Variants in FDXR observed in about 807,000 individuals in gnomAD.
FDXR encodes the protein NADPH:adrenodoxin oxidoreductase, mitochondrial.
In FDXR, 38 loss-of-function variants were observed where a neutral mutation model predicts 58.3. The ratio of observed to expected loss-of-function variants is 0.65; its 90% CI spans 0.50 to 0.85. The LOEUF is 0.85. Ranked by LOEUF, FDXR falls within the 40% of genes least tolerant of loss-of-function variation. FDXR has a pLI of 0.00. For synonymous variants in FDXR, 275 were observed against 273.8 expected, an observed-to-expected ratio of 1.00 and a Z score of -0.04; for missense variants, 624 against 671.0, an observed-to-expected ratio of 0.93 and a Z score of 0.77.
In FDXR at chr17:74,863,183, T is replaced by G; in HGVS notation, c.1238A>C (p.Asp413Ala). The G allele has an allele frequency of 6.2e-7, 1 of 1,613,840 alleles. No individual in the cohort carries two copies. Among genetic ancestry groups the G allele is most frequent in the Non-Finnish European group, 8.5e-7 (1 of 1,179,964 alleles). Reference sequence around the variant, plus strand: ...CAGCATCTGGCCGGTGAGGAAGCTGTCAGTCATGGTTGTGGCTATGACACC... The same window carrying G: ...CAGCATCTGGCCGGTGAGGAAGCTGGCAGTCATGGTTGTGGCTATGACACC... The part of the protein sequence containing the change: ...PTGVIATTMT[D>A]SFLTGQMLLQ... The change falls in exon 11 of 12, where the codon GAC becomes GCC. Residue 413 changes from aspartate to alanine, a missense_variant. Transcript: ENST00000293195.
At chr17:74,867,306 CAAAAAAAAAA>C (rs56079045) in intron 2 of FDXR, among the ~76,000 whole-genome samples, 12 of 16,526 alleles carry the variant, frequency 7.3e-4, no homozygotes, top group East Asian at 1.9e-3. Context: ...GACTCTGTCT[CAAAAAAAAAA>C]AAAAAAAAAA....
chr17:74,866,814 A>G lies in FDXR; in HGVS notation c.240T>C (p.Phe80=), dbSNP rs745491079. 3.1e-6 allele frequency: 5 copies of G among 1,614,168 alleles called. No individual in the cohort carries two copies. Among genetic ancestry groups the G allele is most frequent in the Non-Finnish European group, 4.2e-6 (5 of 1,180,028 alleles). Residue 80 remains phenylalanine, a synonymous_variant, in exon 3 of 12, where the codon TTT becomes TTC. Transcript: ENST00000293195. ...CCTCGGGGTGATCAGGCGCCACACC[A>G]AAGCGCACCAGGCCAAAGGGCACAG... is the stretch of plus-strand genomic sequence containing the variant. ...KQPVPFGLVR[F]GVAPDHPEVK...
chr17:74,864,967 C>G (rs1263126518), intron 6 of FDXR, 36 bp from the exon 7 acceptor site: 1 of 1,613,944 alleles, frequency 6.2e-7, no homozygotes, highest in South Asian at 1.1e-5. Context: ...TCATCAGACA[C>G]TGACCGAGGA....
Position 74,866,723 on chromosome 17 carries a change from C to T in FDXR, c.270+61G>A, listed in dbSNP as rs1378512561. The T allele has an allele frequency of 3.1e-6, 5 of 1,599,530 alleles. No homozygotes were observed. In the African/African-American group the frequency reaches 6.7e-5, roughly 21 times the overall value. ...CCTGTCATCCAGCCAGGGAGCCTCC[C>T]TGCCCTCCTCATCTTGACCAAAGTC... On this transcript the variant is annotated intron_variant, in intron 3 of 11. Coordinates refer to ENST00000293195, the MANE Select transcript of FDXR (RefSeq NM_024417.5).
chr17:74,864,323 A>C lies in FDXR; in HGVS notation c.827T>G (p.Leu276Arg). ...GGCCGTTCGAAGCAGCAGTTCCGTCAGCCGCTTCCTCGGGCGGGGGACCTC... is the reference window on the plus strand; with the variant it reads ...GGCCGTTCGAAGCAGCAGTTCCGTCCGCCGCTTCCTCGGGCGGGGGACCTC... ...IKEVPRPRKRLTELLLRTATE... is the reference protein window; with the variant it reads ...IKEVPRPRKRRTELLLRTATE... The change falls in exon 9 of 12, where the codon CTG becomes CGG. Residue 276 changes from leucine (L) to arginine (R), a missense_variant. Coordinates refer to ENST00000293195, the MANE Select transcript of FDXR (RefSeq NM_024417.5). 1 of 1,579,016 alleles carries C rather than the reference A, an allele frequency of 6.3e-7. No homozygotes were observed. The highest frequency in any genetic ancestry group is 8.6e-7 in the Non-Finnish European group (1 of 1,160,044).
In FDXR at chr17:74,866,204, C is replaced by A. The variant is rs760056199; in HGVS notation, c.434G>T (p.Gly145Val). The A allele has an allele frequency of 5.6e-6, 9 of 1,614,060 alleles. No homozygotes were observed. The South Asian group carries it at 9.9e-5, about 18-fold the overall frequency. ...AEDHRALEIP[G>V]EELPGVCSAR... ...GGAGCACACACCTGGCAGCTCCTCACCAGGAATTTCCAGGGCCCGATGGTC... is the reference window on the plus strand; with the variant it reads ...GGAGCACACACCTGGCAGCTCCTCAACAGGAATTTCCAGGGCCCGATGGTC... The change falls in exon 5 of 12, where the codon GGT (glycine) becomes GTT (valine). Residue 145 changes from glycine (G) to valine (V), a missense_variant. Physicochemically the swap from Gly to Val is moderately radical, Grantham distance 109. Transcript: ENST00000293195.
rs2038095683 is a variant in FDXR at position 74,864,465 on chromosome 17, G to A, written c.802+15C>T. On this transcript the variant is annotated intron_variant, in intron 8 of 11. Transcript: ENST00000293195. ...CTCTCCCTAGTAGTTGGGGGGCCAGGCCAGGGCCCCTCACCCTTGATCTTG... is the reference window on the plus strand; with the variant it reads ...CTCTCCCTAGTAGTTGGGGGGCCAGACCAGGGCCCCTCACCCTTGATCTTG... 3 of 1,612,944 alleles carry A rather than the reference G, an allele frequency of 1.9e-6. No homozygotes were observed. Among genetic ancestry groups the A allele is most frequent in the Non-Finnish European group, 2.5e-6 (3 of 1,179,146 alleles).
intron 5 of FDXR, 64 bp downstream of exon 5, chr17:74,866,067 G>T (rs2038168697): frequency 8.7e-6 from 11 of 1,266,302 alleles, no homozygotes; most frequent in Non-Finnish European, 1.3e-5. Flanking sequence ...TCTTCCCCCA[G>T]GTCTGGCATC....
chr17:74,872,525 C>T, intron 1 of FDXR: 1 of 616,816 alleles, frequency 1.6e-6, no homozygotes, highest in East Asian at 2.8e-5. Flanking sequence ...GCTATATTGC[C>T]CATATAGACC....
intron 2 of FDXR, 89 bp from the exon 3 acceptor site, chr17:74,866,965 G>A: frequency 6.4e-7 from 1 of 1,556,316 alleles, no homozygotes; most frequent in Non-Finnish European, 8.7e-7. Context: ...CAGAGCAGGA[G>A]AGTTCAGGAC....
intron 2 of FDXR, chr17:74,868,244 T>C: frequency 3.7e-6 from 2 of 545,588 alleles, no homozygotes; most frequent in East Asian, 6.0e-5. Flanking sequence ...CGCTCTGGGC[T>C]TGGAGTCAAA....
Position 74,864,821 on chromosome 17 carries a change from C to T in FDXR, c.717+3G>A. ...CTGGCTCCTCCCACTCTGGCCCCAG[C>T]ACCTTAATGGTGAAGGCCACTTGCA... On this transcript the variant is annotated splice_donor_region_variant and intron_variant, in intron 7 of 11. Transcript: ENST00000293195. 6.2e-7 allele frequency: 1 copy of T among 1,613,992 alleles called. No individual in the cohort carries two copies. Among genetic ancestry groups the T allele is most frequent in the Non-Finnish European group, 8.5e-7 (1 of 1,179,948 alleles).
chr17:74,865,923 C>A, intron 5 of FDXR, 103 bp from the exon 6 acceptor site: 1 of 998,208 alleles, frequency 1.0e-6, no homozygotes, highest in Non-Finnish European at 1.5e-6. Flanking sequence ...CCTGGGGCTT[C>A]CCCACACCGG....
chr17:74,862,673 G>T lies in FDXR; in HGVS notation c.*144C>A. 8.6e-7 allele frequency: 1 copy of T among 1,161,430 alleles called. No homozygotes were observed. The highest frequency in any genetic ancestry group is 1.2e-6 in the Non-Finnish European group (1 of 843,754). The allele number at this position is 1,161,430 out of a possible 1,614,324, so 71.9% of individuals were successfully genotyped here. A position where few individuals can be genotyped will look rare whatever the true frequency, so the allele number is the denominator to read the frequency against. On this transcript the variant is annotated 3_prime_UTR_variant, in exon 12 of 12. Coordinates refer to ENST00000293195, the MANE Select transcript of FDXR (RefSeq NM_024417.5). Reference sequence around the variant, plus strand: ...CAAGGGCGACCTTCCCCAGGAGGGAGGAGAGACGCTGGAAGAGCAGCCAAG... The same window carrying T: ...CAAGGGCGACCTTCCCCAGGAGGGATGAGAGACGCTGGAAGAGCAGCCAAG...
At chr17:74,870,454 T>G (rs1406455582) in intron 2 of FDXR, among the ~76,000 whole-genome samples, 5 of 134,238 alleles carry the variant, frequency 3.7e-5, no homozygotes. Context: ...GAGATGGAGG[T>G]TGAAGTGAGC....
rs2038156944 is a variant in FDXR at position 74,865,787 on chromosome 17, T to C, written c.541A>G (p.Ile181Val). ...EPDLSCDTAV[I>V]LGQGNVALDV... is the part of the protein sequence containing the mutation. ...AGAGCCACGTTCCCCTGCCCCAGAA[T>C]CACGGCTGTGTCACAGCTCAGGTCT... Residue 181 changes from isoleucine to valine, a missense_variant, in exon 6 of 12, where the codon ATT becomes GTT. Physicochemically the swap from Ile to Val is conservative, Grantham distance 29. Transcript: ENST00000293195. The C allele has an allele frequency of 2.5e-6, 4 of 1,613,562 alleles. No individual in the cohort carries two copies. In the South Asian group the frequency reaches 3.3e-5, roughly 13 times the overall value.
Position 74,864,816 on chromosome 17 carries a change from C to T in FDXR, c.717+8G>A, listed in dbSNP as rs1267095632. ...GAACCCTGGCTCCTCCCACTCTGGC[C>T]CCAGCACCTTAATGGTGAAGGCCAC... On this transcript the variant is annotated splice_region_variant and intron_variant, in intron 7 of 11. Transcript: ENST00000293195. 1.2e-6 allele frequency: 2 copies of T among 1,613,918 alleles called. No homozygotes were observed. The highest frequency in any genetic ancestry group is 1.7e-6 in the Non-Finnish European group (2 of 1,179,930).
At position 74,866,543 on chromosome 17, in the gene FDXR, G is replaced by A. The variant is rs141174234; in HGVS notation, c.296C>T (p.Thr99Met). 211 of 1,613,532 alleles carry A rather than the reference G, an allele frequency of 1.3e-4. No individual in the cohort carries two copies. The highest frequency in any genetic ancestry group is 2.2e-4 in the Admixed American group (13 of 60,012). Residue 99 changes from threonine (T) to methionine (M), a missense_variant, in exon 4 of 12, where the codon ACG (threonine) becomes ATG (methionine). Transcript: ENST00000293195. ...GAAGGCACAGCGGCCAGAATGGGCC[G>A]TCTGGGTAAATGTGTTGATGACATT... ...VKNVINTFTQ[T>M]AHSGRCAFWG...
chr17:74,872,897 C>T lies in FDXR; in HGVS notation c.48G>A (p.Arg16=). 6.4e-7 allele frequency: 1 copy of T among 1,552,510 alleles called. No individual in the cohort carries two copies. Among genetic ancestry groups the T allele is most frequent in the South Asian group, 1.2e-5 (1 of 84,314 alleles). The stretch of plus-strand genomic sequence containing the variant: ...TGCTCCCGGCGGGAGGCAGCCGGGT[C>T]CGAGGCCACGCCGACCAGCCCCACC... ...WRWWGWSAWP[R]TRLPPAGSTP... is the part of the protein sequence containing the mutation. The change falls in exon 1 of 12, where the codon CGG becomes CGA. Residue 16 remains arginine (R), a synonymous_variant. Transcript: ENST00000293195.
Sources: allele counts gnomAD v4.1 joint callset (sites outside exome capture counted in the v4.1 genomes callset), GRCh38; gene constraint gnomAD v4.1.1; transcripts MANE v1.5; gene names NCBI Gene and HGNC (gene_info 2026-07-23, HGNC 2026-07-21).